The following MORC1 variants were observed in gnomAD, a reference collection of about 807,000 sequenced individuals.
MORC1 encodes MORC family CW-type zinc finger protein 1.
In MORC1, 59 loss-of-function variants were observed where a neutral mutation model predicts 134.9. The ratio of observed to expected loss-of-function variants is 0.44; its 90% CI spans 0.35 to 0.54. MORC1 has a LOEUF of 0.54. Ranked by LOEUF, MORC1 falls within the 20% of genes least tolerant of loss-of-function variation. The pLI is 0.00. For missense variants in MORC1, 947 were observed against 1,134.5 expected (o/e 0.83, Z 2.37); for synonymous variants, 395 against 391.7 (o/e 1.01, Z -0.10).
intron 12 of MORC1, among the ~76,000 whole-genome samples, chr3:109,058,958 G>A (rs938931112): frequency 4.6e-5 from 7 of 151,764 alleles, no homozygotes; most frequent in Non-Finnish European, 8.8e-5. Context: ...GTTTCAAGAA[G>A]GTTTTTATTT....
chr3:108,978,223 C>G (rs1947617931), intron 24 of MORC1, among the ~76,000 whole-genome samples: 1 of 152,188 alleles, frequency 6.6e-6, no homozygotes, highest in African/African-American at 2.4e-5. Context: ...TGAGGTCTGG[C>G]CTGCTTTTGT....
intron 8 of MORC1, among the ~76,000 whole-genome samples, chr3:109,076,787 T>G (rs944583638): frequency 6.6e-6 from 1 of 151,796 alleles, no homozygotes; most frequent in Non-Finnish European, 1.5e-5. Flanking sequence ...TGAGAACGCA[T>G]GGACACAGGG....
chr3:109,002,428 A>G (rs531794480), intron 20 of MORC1, among the ~76,000 whole-genome samples: 4 of 152,324 alleles, frequency 2.6e-5, no homozygotes, highest in Admixed American at 1.3e-4. Context: ...CAGGAGACAG[A>G]TGCTGTGTTC....
At chr3:109,098,254 T>C (rs1950864222) in intron 6 of MORC1, among the ~76,000 whole-genome samples, 1 of 151,986 alleles carries the variant, frequency 6.6e-6, no homozygotes, top group Non-Finnish European at 1.5e-5. Flanking sequence ...TCTGTGGAAG[T>C]AGAAATGGGA....
Position 108,990,721 on chromosome 3 carries a change from C to T in MORC1, c.2188-3772G>A, listed in dbSNP as rs1948027871. ...CGTCTGTTTTTACCCCTGCTGGATC[C>T]CTATTGTTTAGGACAGTAACTGATG... On this transcript the variant is annotated intron_variant, in intron 21 of 27. Coordinates refer to ENST00000232603, the MANE Select transcript of MORC1 (RefSeq NM_014429.4). 2.6e-5 allele frequency among the ~76,000 whole-genome samples: 4 copies of T among 152,098 alleles called. No individual in the cohort carries two copies. The South Asian group carries it at 6.2e-4, about 24-fold the overall frequency.
At chr3:108,991,592 C>A (rs1264377626) in intron 21 of MORC1, among the ~76,000 whole-genome samples, 1 of 152,170 alleles carries the variant, frequency 6.6e-6, no homozygotes, top group African/African-American at 2.4e-5. Flanking sequence ...CTACTCTCAA[C>A]TTCTCAAGGA....
intron 21 of MORC1, among the ~76,000 whole-genome samples, chr3:108,987,673 A>C (rs546679297): frequency 6.6e-6 from 1 of 152,070 alleles, no homozygotes; most frequent in East Asian, 1.9e-4. Flanking sequence ...ATGTACCATT[A>C]ATAAGCCAGG....
intron 17 of MORC1, among the ~76,000 whole-genome samples, chr3:109,024,601 T>C (rs1360777743): frequency 1.3e-5 from 2 of 152,142 alleles, no homozygotes; most frequent in East Asian, 1.9e-4. Context: ...AGAGATAGGG[T>C]GTGCAGGTTT....
chr3:109,071,712 G>A (rs1375264404), intron 8 of MORC1, among the ~76,000 whole-genome samples: 1 of 152,178 alleles, frequency 6.6e-6, no homozygotes, highest in African/African-American at 2.4e-5. Context: ...ATCTAGGATA[G>A]CTTATTAGAG....
intron 7 of MORC1, 111 bp downstream of exon 7, chr3:109,094,798 A>C: frequency 5.8e-6 from 6 of 1,028,546 alleles, no homozygotes; most frequent in Non-Finnish European, 8.0e-6. Context: ...CCCAGTGTGA[A>C]TCCACATGAG....
At chr3:109,114,513 G>A in intron 1 of MORC1, 76 bp from the exon 2 acceptor site, 1 of 1,288,764 alleles carries the variant, frequency 7.8e-7, no homozygotes, top group South Asian at 1.3e-5. Flanking sequence ...GATTCTTGCA[G>A]ACAAACGTTC....
intron 17 of MORC1, among the ~76,000 whole-genome samples, chr3:109,016,796 C>T (rs962159786): frequency 6.6e-5 from 10 of 151,946 alleles, no homozygotes; most frequent in Admixed American, 3.3e-4. Flanking sequence ...TCCTGGGAGG[C>T]GGAGGTTGCA....
rs966965106 is a variant in MORC1 at position 109,005,390 on chromosome 3, C to A, written c.1768-75G>T. ...TAATTAATCACCACTTCTCTCATAA[C>A]CTCATTATAATAGGTATTTCTTATT... On this transcript the variant is annotated intron_variant, in intron 18 of 27. Transcript: ENST00000232603. 9 of 1,358,898 alleles carry A rather than the reference C, an allele frequency of 6.6e-6. No individual in the cohort carries two copies. In the African/African-American group the frequency reaches 1.0e-4, roughly 16 times the overall value. 84.2% of individuals were successfully genotyped at this position (1,358,898 alleles called of 1,614,324 possible). A position where few individuals can be genotyped will look rare whatever the true frequency, so the allele number is the denominator to read the frequency against.
At chr3:109,106,588 A>C (rs1332524242) in intron 3 of MORC1, among the ~76,000 whole-genome samples, 2 of 152,134 alleles carry the variant, frequency 1.3e-5, no homozygotes, top group Non-Finnish European at 2.9e-5. Context: ...TTCCTGTTCA[A>C]TAAATGGCAT....
At chr3:109,104,406 C>T (rs1174464007) in intron 3 of MORC1, among the ~76,000 whole-genome samples, 1 of 152,144 alleles carries the variant, frequency 6.6e-6, no homozygotes, top group Non-Finnish European at 1.5e-5. Flanking sequence ...AGTGCATCTT[C>T]ATGGGAGCAA....
At chr3:109,087,539 A>G (rs552539448) in intron 8 of MORC1, among the ~76,000 whole-genome samples, 29 of 152,234 alleles carry the variant, frequency 1.9e-4, no homozygotes, top group African/African-American at 5.5e-4. Context: ...GATTTCCACA[A>G]GGAGAATTAC....
At chr3:109,041,408 C>A (rs562971403) in intron 14 of MORC1, among the ~76,000 whole-genome samples, 3 of 151,654 alleles carry the variant, frequency 2.0e-5, no homozygotes, top group African/African-American at 7.3e-5. Flanking sequence ...TGAACAACAA[C>A]AAAAAAATAT....
At chr3:109,113,515 T>A (rs751356490) in intron 2 of MORC1, among the ~76,000 whole-genome samples, 2 of 152,164 alleles carry the variant, frequency 1.3e-5, no homozygotes, top group Non-Finnish European at 1.5e-5. Flanking sequence ...TATCAACCAG[T>A]GGCAGGGAAT....
intron 23 of MORC1, among the ~76,000 whole-genome samples, chr3:108,980,069 A>G (rs1196980669): frequency 6.6e-6 from 1 of 152,206 alleles, no homozygotes; most frequent in African/African-American, 2.4e-5. Context: ...ACAAATTAAA[A>G]CATACTGTAA....
Sources: allele counts gnomAD v4.1 joint callset (sites outside exome capture counted in the v4.1 genomes callset), GRCh38; gene constraint gnomAD v4.1.1; transcripts MANE v1.5; gene names NCBI Gene and HGNC (gene_info 2026-07-23, HGNC 2026-07-21).